SHQ1: variants seen among roughly 807,000 people sequenced by gnomAD.
The protein encoded by SHQ1 is SHQ1, H/ACA ribonucleoprotein assembly factor.
A neutral mutation model predicts 53.8 loss-of-function variants in SHQ1; 49 were observed. That is an observed-to-expected ratio of 0.91 (90% CI 0.72 to 1.16). The LOEUF (loss-of-function observed/expected upper bound fraction) is 1.16. Ranked by LOEUF, SHQ1 falls within the 50% of genes most tolerant of loss-of-function variation. The pLI, the probability that SHQ1 is intolerant of heterozygous loss-of-function variation, is 0.00. For missense variants in SHQ1, 738 were observed against 683.1 expected (o/e 1.08, Z -0.90); for synonymous variants, 243 against 251.0 (o/e 0.97, Z 0.30).
the SHQ1 span, among the ~76,000 whole-genome samples, chr3:72,740,160 T>A: frequency 6.6e-6 from 1 of 152,180 alleles, no homozygotes; most frequent in Non-Finnish European, 1.5e-5. Flanking sequence ...TGCCTTCAGC[T>A]CCAGGAATGG....
At chr3:72,735,184 C>T in the SHQ1 span, among the ~76,000 whole-genome samples, 1 of 151,872 alleles carries the variant, frequency 6.6e-6, no homozygotes, top group East Asian at 1.9e-4. Flanking sequence ...CACCTTTTGC[C>T]TATGGATCAG....
chr3:72,841,267 T>C (rs994579779), intron 3 of SHQ1, 68 bp from the exon 4 acceptor site: 6 of 1,245,288 alleles, frequency 4.8e-6, no homozygotes, highest in South Asian at 1.6e-5. Context: ...AGAAAAAGTA[T>C]AGGAAAAAAT....
chr3:72,792,933 C>T lies in SHQ1; in HGVS notation c.1164G>A (p.Val388=). 1.2e-6 allele frequency: 2 copies of T among 1,607,600 alleles called. No homozygotes were observed. Among genetic ancestry groups the T allele is most frequent in the Non-Finnish European group, 8.5e-7 (1 of 1,178,904 alleles). ...LNDLYISDYC[V]WIQKVKSKKL... is the part of the protein sequence containing the mutation. ...AAACTTACTTGACTTTCTGAATCCA[C>T]ACACAGTAGTCTGAGATGTAGAGAT... is the stretch of plus-strand genomic sequence containing the variant. The change falls in exon 10 of 11, where the codon GTG becomes GTA. Residue 388 remains valine, a synonymous_variant. Transcript: ENST00000325599.
intron 4 of SHQ1, among the ~76,000 whole-genome samples, chr3:72,833,679 T>C (rs1289363405): frequency 1.3e-5 from 2 of 152,230 alleles, no homozygotes; most frequent in African/African-American, 4.8e-5. Context: ...CCTAGATGCA[T>C]ACATACTGAT....
intron 4 of SHQ1, among the ~76,000 whole-genome samples, chr3:72,839,607 G>A (rs1043488016): frequency 7.9e-5 from 12 of 152,196 alleles, no homozygotes; most frequent in Non-Finnish European, 1.5e-5. Flanking sequence ...ACTTTCCAAA[G>A]AGGAGACAAA....
chr3:72,805,753 C>T (rs1706922236), intron 9 of SHQ1, among the ~76,000 whole-genome samples: 1 of 152,074 alleles, frequency 6.6e-6, no homozygotes, highest in Non-Finnish European at 1.5e-5. Flanking sequence ...TCAAAGAATA[C>T]TAACATTTTA....
chr3:72,731,843 C>T, the SHQ1 span, among the ~76,000 whole-genome samples: 1 of 151,506 alleles, frequency 6.6e-6, no homozygotes, highest in East Asian at 1.9e-4. Flanking sequence ...AAGCATCATC[C>T]TCCCAGAGCA....
At chr3:72,751,535 T>TATACACACAC (rs1444853961) in intron 10 of SHQ1, among the ~76,000 whole-genome samples, 10 of 139,968 alleles carry the variant, frequency 7.1e-5, no homozygotes, top group South Asian at 6.4e-4. Context: ...TATATACATA[T>TATACACACAC]ACATACACTA....
chr3:72,792,803 AAAAAAAAAC>A lies in SHQ1; in HGVS notation c.1181+104_1181+112del, dbSNP rs1305241903. Reference sequence around the variant, plus strand: ...CCATCTCAAAAAAAAAAAAAAAAAAAAAAAAAAACACAACTTACTCCTCAGGTTATTTCG... The same window carrying A: ...CCATCTCAAAAAAAAAAAAAAAAAAAACAACTTACTCCTCAGGTTATTTCG... On this transcript the variant is annotated intron_variant, in intron 10 of 10. Transcript: ENST00000325599. 9.6e-4 allele frequency: 729 copies of A among 762,506 alleles called. 6 individuals carry two copies. The African/African-American group carries it at 0.01, about 11-fold the overall frequency. The allele number at this position is 762,506 out of a possible 1,614,324, so 47.2% of individuals were successfully genotyped here. A position where few individuals can be genotyped will look rare whatever the true frequency, so the allele number is the denominator to read the frequency against.
At chr3:72,843,367 A>G (rs1708235245) in intron 2 of SHQ1, among the ~76,000 whole-genome samples, 1 of 152,166 alleles carries the variant, frequency 6.6e-6, no homozygotes, top group African/African-American at 2.4e-5. Flanking sequence ...ATGTCAGGAG[A>G]TCTATCCCTA....
the SHQ1 span, among the ~76,000 whole-genome samples, chr3:72,740,310 T>C: frequency 0.011 from 1,600 of 152,282 alleles, 28 homozygotes; most frequent in African/African-American, 0.037. Flanking sequence ...TAATCTCTTT[T>C]CTGACAGATG....
intron 4 of SHQ1, among the ~76,000 whole-genome samples, chr3:72,837,857 C>T (rs1708049033): frequency 6.6e-6 from 1 of 152,172 alleles, no homozygotes; most frequent in Non-Finnish European, 1.5e-5. Context: ...AGTAATTAAC[C>T]AATTATGCAA....
chr3:72,816,384 A>G (rs1430242148), intron 7 of SHQ1, among the ~76,000 whole-genome samples: 1 of 152,184 alleles, frequency 6.6e-6, no homozygotes, highest in Non-Finnish European at 1.5e-5. Flanking sequence ...CTTCATGTGT[A>G]TATTTTCCTT....
intron 6 of SHQ1, among the ~76,000 whole-genome samples, chr3:72,824,039 T>A (rs1425347780): frequency 6.6e-6 from 1 of 152,218 alleles, no homozygotes; most frequent in East Asian, 1.9e-4. Context: ...CACTTGGGTC[T>A]TCCCCCCGCC....
Position 72,749,912 on chromosome 3 carries a change from A to C in SHQ1, c.*372T>G. On this transcript the variant is annotated 3_prime_UTR_variant, in exon 11 of 11. Coordinates refer to ENST00000325599, the MANE Select transcript of SHQ1 (RefSeq NM_018130.3). ...GACTCCTGAGGATACTAAAATCCTC[A>C]GATGCTCAAGCCCCTGATAAAAAAT... The C allele has an allele frequency of 4.2e-6, 1 of 237,858 alleles. No homozygotes were observed. Among genetic ancestry groups the C allele is most frequent in the Non-Finnish European group, 8.2e-6 (1 of 122,056 alleles). The allele number at this position is 237,858 out of a possible 1,614,324, so 14.7% of individuals were successfully genotyped here.
rs60495021 is a variant in SHQ1 at position 72,751,537 on chromosome 3, CAT to C, written c.1182-703_1182-702del. 3.0e-3 allele frequency among the ~76,000 whole-genome samples: 289 copies of C among 96,700 alleles called. 15 individuals are homozygous for C. The highest frequency in any genetic ancestry group is 0.014 in the African/African-American group (263 of 18,654). The allele number at this position is 96,700 out of a possible 152,430, so 63.4% of individuals were successfully genotyped here. ...ATATATATATATATATATACATATA[CAT>C]ACACTAATAAAGCCTAACTCTCCTA... is the stretch of plus-strand genomic sequence containing the variant. On this transcript the variant is annotated intron_variant, in intron 10 of 10. Transcript: ENST00000325599.
intron 10 of SHQ1, among the ~76,000 whole-genome samples, chr3:72,788,483 G>A (rs920878786): frequency 5.3e-5 from 8 of 151,678 alleles, no homozygotes; most frequent in Admixed American, 1.3e-4. Context: ...CCCGGCAGCC[G>A]CCGCGTCCGG....
At chr3:72,833,527 T>TGATA (rs1553698068) in intron 4 of SHQ1, among the ~76,000 whole-genome samples, 170 of 133,310 alleles carry the variant, frequency 1.3e-3, no homozygotes, top group Non-Finnish European at 2.1e-3. Flanking sequence ...GATAGATGGA[T>TGATA]GATAGACAGA....
chr3:72,788,195 C>A (rs1283374759), intron 10 of SHQ1, among the ~76,000 whole-genome samples: 1 of 151,246 alleles, frequency 6.6e-6, no homozygotes, highest in African/African-American at 2.4e-5. Flanking sequence ...ATGTGAGGAG[C>A]CCCTCTGCCC....
Sources: allele counts gnomAD v4.1 joint callset (sites outside exome capture counted in the v4.1 genomes callset), GRCh38; gene constraint gnomAD v4.1.1; transcripts MANE v1.5; gene names NCBI Gene and HGNC (gene_info 2026-07-23, HGNC 2026-07-21).